The following LZTFL1 variants were observed in gnomAD, a reference collection of about 807,000 sequenced individuals.
The protein encoded by LZTFL1 is leucine zipper transcription factor like 1, also known as leucine zipper transcription factor-like protein 1.
In LZTFL1, 25 loss-of-function variants were observed where a neutral mutation model predicts 45.9. That is an observed-to-expected ratio of 0.54 (90% confidence interval 0.40 to 0.76). LZTFL1 has a LOEUF of 0.76. Among genes scored for constraint, LZTFL1 ranks in the 30% least tolerant of loss-of-function variants. The pLI, the probability that LZTFL1 is intolerant of heterozygous loss-of-function variation, is 0.00. For synonymous variants in LZTFL1, 93 were observed against 117.4 expected (o/e 0.79, Z 1.35); for missense variants, 277 against 331.1 (o/e 0.84, Z 1.27).
chr3:45,839,318 G>A lies in LZTFL1; in HGVS notation c.4-1267C>T, dbSNP rs1050167878. Among the ~76,000 whole-genome samples the A allele has an allele frequency of 7.9e-5, 12 of 152,104 alleles. 1 individual carries two copies. Among genetic ancestry groups the A allele is most frequent in the African/African-American group, 2.7e-4 (11 of 41,420 alleles). Reference sequence around the variant, plus strand: ...TCAGCCAGGATGGTCTCGATCTCCTGACCTCGTGATCCACCTGCCTCGGCC... The same window carrying A: ...TCAGCCAGGATGGTCTCGATCTCCTAACCTCGTGATCCACCTGCCTCGGCC... On this transcript the variant is annotated intron_variant, in intron 1 of 9. Coordinates refer to ENST00000296135, the MANE Select transcript of LZTFL1 (RefSeq NM_020347.4).
intron 2 of LZTFL1, among the ~76,000 whole-genome samples, chr3:45,879,814 T>C (rs1282963067): frequency 1.3e-5 from 2 of 152,110 alleles, no homozygotes; most frequent in East Asian, 3.9e-4. Context: ...CTAAAACTGC[T>C]CTAAAAAACA....
intron 2 of LZTFL1, chr3:45,895,208 T>C: frequency 1.9e-6 from 1 of 533,678 alleles, no homozygotes; most frequent in East Asian, 3.0e-5. Flanking sequence ...CAGCTAAGGA[T>C]TTTTAACCAT....
intron 3 of LZTFL1, 57 bp from the exon 4 acceptor site, chr3:45,834,355 G>A (rs933630142): frequency 3.7e-5 from 43 of 1,163,212 alleles, no homozygotes; most frequent in African/African-American, 7.7e-5. Flanking sequence ...TATATCACAC[G>A]CAAGAAGAGT....
intron 2 of LZTFL1, among the ~76,000 whole-genome samples, chr3:45,836,217 T>C (rs1047605086): frequency 3.3e-5 from 5 of 152,166 alleles, no homozygotes; most frequent in Admixed American, 6.5e-5. Context: ...TAAACGTCTA[T>C]GGGAAATAAA....
intron 4 of LZTFL1, among the ~76,000 whole-genome samples, chr3:45,850,713 CT>C (rs901502699): frequency 4.3e-4 from 66 of 152,214 alleles, no homozygotes; most frequent in African/African-American, 1.3e-3. Flanking sequence ...AAGCTTCCTT[CT>C]CTCCACCCTC....
chr3:45,877,181 T>C (rs1436927733), intron 2 of LZTFL1, among the ~76,000 whole-genome samples: 2 of 151,840 alleles, frequency 1.3e-5, no homozygotes, highest in African/African-American at 4.8e-5. Context: ...CTCTTTCCAG[T>C]AGGGCTTCTC....
At chr3:45,870,838 C>A (rs1487649950) in intron 2 of LZTFL1, among the ~76,000 whole-genome samples, 2 of 152,200 alleles carry the variant, frequency 1.3e-5, no homozygotes, top group Admixed American at 6.5e-5. Context: ...AGCACTGTGG[C>A]TATTTGATAT....
upstream of LZTFL1, among the ~76,000 whole-genome samples, chr3:45,844,113 T>A (rs961097996): frequency 6.6e-6 from 1 of 152,196 alleles, no homozygotes; most frequent in Non-Finnish European, 1.5e-5. Context: ...ATGAGACTTA[T>A]GACTTTATAA....
chr3:45,899,678 TG>T (rs1702482322), intron 2 of LZTFL1, among the ~76,000 whole-genome samples: 1 of 152,158 alleles, frequency 6.6e-6, no homozygotes, highest in Non-Finnish European at 1.5e-5. Context: ...AGAAGGAAAC[TG>T]GTGGGAAGTG....
At chr3:45,835,430 G>A in intron 3 of LZTFL1, 160 bp downstream of exon 3, 2 of 624,332 alleles carry the variant, frequency 3.2e-6, no homozygotes, top group South Asian at 2.0e-5. Flanking sequence ...GTGCTTAGTG[G>A]TACCCAAGAG....
chr3:45,841,722 C>T, intron 1 of LZTFL1: 5 of 579,682 alleles, frequency 8.6e-6, no homozygotes, highest in East Asian at 5.6e-5. Flanking sequence ...TGCCTTGGCT[C>T]CAGCCCCCGC....
upstream of LZTFL1, among the ~76,000 whole-genome samples, chr3:45,844,098 A>G (rs923338810): frequency 6.6e-6 from 1 of 152,040 alleles, no homozygotes; most frequent in Non-Finnish European, 1.5e-5. Flanking sequence ...TTATATTATT[A>G]TGAAATGAGA....
intron 4 of LZTFL1, among the ~76,000 whole-genome samples, chr3:45,849,319 C>T (rs571922766): frequency 3.9e-5 from 6 of 152,286 alleles, no homozygotes; most frequent in East Asian, 1.9e-4. Context: ...ATAGCAAACA[C>T]GGGCACCAAT....
At chr3:45,863,722 T>C (rs527699333) in intron 2 of LZTFL1, among the ~76,000 whole-genome samples, 41 of 152,286 alleles carry the variant, frequency 2.7e-4, no homozygotes, top group African/African-American at 9.4e-4. Context: ...GCAAGCAATG[T>C]AGGGGGCCTC....
In LZTFL1 at chr3:45,896,950, G is replaced by T. The variant is rs145687652; in HGVS notation, c.-215+16170C>A. ...ATTTCCAGAGAACACATGAGCCAGA[G>T]AAGGAGGCCCTGGAAAGCTCTGGGA... On this transcript the variant is annotated intron_variant, in intron 2 of 4. Coordinates refer to the LZTFL1 transcript ENST00000472635. Among the ~76,000 whole-genome samples, 1,401 of 152,322 alleles carry T rather than the reference G, an allele frequency of 9.2e-3. 24 individuals are homozygous for T. The highest frequency in any genetic ancestry group is 0.032 in the African/African-American group (1,323 of 41,570).
intron 4 of LZTFL1, chr3:45,854,938 C>T: frequency 7.4e-7 from 1 of 1,351,706 alleles, no homozygotes; most frequent in Admixed American, 2.1e-5. Flanking sequence ...CAGGAACAAC[C>T]ACCACCAAAA....
At chr3:45,872,731 C>A (rs980465985) in intron 2 of LZTFL1, among the ~76,000 whole-genome samples, 1 of 152,208 alleles carries the variant, frequency 6.6e-6, no homozygotes, top group African/African-American at 2.4e-5. Context: ...ACTGGGGAGA[C>A]AACAGATGCT....
At position 45,900,831 on chromosome 3, in the gene LZTFL1, G is replaced by A. The variant is rs1289723324; in HGVS notation, c.-215+12289C>T. On this transcript the variant is annotated intron_variant, in intron 2 of 4. Coordinates refer to the LZTFL1 transcript ENST00000472635. The surrounding 1 kb of genome is among the most constrained non-coding windows in gnomAD (Gnocchi z 4.7). ...GCAGAGCCCTATTCCTAACATGGCTGATGACTATGGCTCTGAATCCACATC... is the reference window on the plus strand; with the variant it reads ...GCAGAGCCCTATTCCTAACATGGCTAATGACTATGGCTCTGAATCCACATC... 1.2e-6 allele frequency: 2 copies of A among 1,612,576 alleles called. No individual in the cohort carries two copies. The highest frequency in any genetic ancestry group is 2.7e-5 in the African/African-American group (2 of 74,904).
At position 45,825,069 on chromosome 3, in the gene LZTFL1, C is replaced by T; in HGVS notation, c.*1245G>A. ...TATAAGAAAAATAATAAATTCAAGG[C>T]TATTACTAAAAGCTTGAATAAAAAT... is the stretch of plus-strand genomic sequence containing the variant. On this transcript the variant is annotated 3_prime_UTR_variant, in exon 10 of 10. Coordinates refer to ENST00000296135, the MANE Select transcript of LZTFL1 (RefSeq NM_020347.4). 1 of 392,912 alleles carries T rather than the reference C, an allele frequency of 2.5e-6. No individual in the cohort carries two copies. Among genetic ancestry groups the T allele is most frequent in the Non-Finnish European group, 4.5e-6 (1 of 222,750 alleles). 24.3% of individuals were successfully genotyped at this position (392,912 alleles called of 1,614,324 possible).
Sources: allele counts gnomAD v4.1 joint callset (sites outside exome capture counted in the v4.1 genomes callset), GRCh38; gene constraint gnomAD v4.1.1; non-coding constraint Gnocchi (gnomAD v3.1); transcripts MANE v1.5; gene names NCBI Gene and HGNC (gene_info 2026-07-23, HGNC 2026-07-21).